RIN2: variants seen among roughly 807,000 people sequenced by gnomAD.
RIN2 encodes RAB5 interacting protein 2.
RIN2 carries 36 observed loss-of-function variants against 78.0 expected under a neutral mutation model. The ratio of observed to expected loss-of-function variants is 0.46; its 90% CI spans 0.35 to 0.61. The LOEUF is 0.61. Among genes scored for constraint, RIN2 ranks in the 20% least tolerant of loss-of-function variants. The probability of loss-of-function intolerance (pLI) is 0.00; values close to 1 mark genes in which losing one functional copy is unlikely to be tolerated. For synonymous variants in RIN2, 466 were observed against 466.8 expected, an observed-to-expected ratio of 1.00 and a Z score of 0.02; for missense variants, 1,087 against 1,159.7, an observed-to-expected ratio of 0.94 and a Z score of 0.91.
At position 19,813,274 on chromosome 20, in the gene RIN2, A is replaced by G. The variant is rs144503162; in HGVS notation, c.-37+13527A>G. ...TGGGCTAATCGGCCAATAGCAGAGGAAATCAAGAAATATGAGGTGGAAAAG... is the reference window on the plus strand; with the variant it reads ...TGGGCTAATCGGCCAATAGCAGAGGGAATCAAGAAATATGAGGTGGAAAAG... On this transcript the variant is annotated intron_variant, in intron 2 of 12. Transcript: ENST00000255006. Among the ~76,000 whole-genome samples, 377 of 152,364 alleles carry G rather than the reference A, an allele frequency of 2.5e-3. 5 individuals carry two copies. The highest frequency in any genetic ancestry group is 0.022 in the South Asian group (107 of 4,826).
intron 2 of RIN2, chr20:19,886,707 T>A: frequency 6.5e-7 from 1 of 1,549,284 alleles, no homozygotes; most frequent in Non-Finnish European, 8.7e-7. Context: ...ACTTTACCCT[T>A]CAGGGAAGCC....
chr20:19,907,404 G>A (rs1285714812), intron 3 of RIN2, among the ~76,000 whole-genome samples: 1 of 152,186 alleles, frequency 6.6e-6, no homozygotes, highest in Non-Finnish European at 1.5e-5. Flanking sequence ...AGGCAGCTGG[G>A]GGTTGCCCTG....
intron 2 of RIN2, among the ~76,000 whole-genome samples, chr20:19,862,382 G>A (rs868399605): frequency 5.3e-5 from 8 of 152,000 alleles, no homozygotes; most frequent in Non-Finnish European, 7.4e-5. Flanking sequence ...GCCTGAGCTC[G>A]AGAGTTCGAG....
At chr20:19,906,802 G>T (rs1308363621) in intron 3 of RIN2, among the ~76,000 whole-genome samples, 1 of 152,154 alleles carries the variant, frequency 6.6e-6, no homozygotes, top group African/African-American at 2.4e-5. Context: ...GACAAGACAA[G>T]CCCATGTGAA....
chr20:19,862,742 T>A (rs2037383027), intron 2 of RIN2, among the ~76,000 whole-genome samples: 1 of 152,244 alleles, frequency 6.6e-6, no homozygotes, highest in Non-Finnish European at 1.5e-5. Flanking sequence ...TAATGCTCTT[T>A]GTAGACTATG....
chr20:19,770,458 A>T (rs2034067408), intron 1 of RIN2, among the ~76,000 whole-genome samples: 1 of 152,118 alleles, frequency 6.6e-6, no homozygotes, highest in African/African-American at 2.4e-5. Flanking sequence ...CCCTTAAAGC[A>T]TTTCCCAATG....
intron 3 of RIN2, among the ~76,000 whole-genome samples, chr20:19,917,064 T>C (rs928250051): frequency 6.6e-6 from 1 of 151,910 alleles, no homozygotes; most frequent in African/African-American, 2.4e-5. Flanking sequence ...TCCATTCCAA[T>C]TGAAGTCAGC....
At chr20:19,763,973 G>A (rs1468396607) in intron 1 of RIN2, among the ~76,000 whole-genome samples, 1 of 152,110 alleles carries the variant, frequency 6.6e-6, no homozygotes, top group Non-Finnish European at 1.5e-5. Context: ...ATAGTACATG[G>A]AGTATTAATA....
intron 3 of RIN2, among the ~76,000 whole-genome samples, chr20:19,901,915 C>A (rs1245132637): frequency 6.7e-6 from 1 of 149,540 alleles, no homozygotes; most frequent in East Asian, 2.0e-4. Context: ...ACTCAGGAAG[C>A]TGAGGCAGGA....
chr20:19,869,792 T>TTTTTTTTA (rs147848026), intron 2 of RIN2, among the ~76,000 whole-genome samples: 17 of 136,426 alleles, frequency 1.2e-4, no homozygotes, highest in Middle Eastern at 3.3e-3. Flanking sequence ...GCCTGGCTAA[T>TTTTTTTTA]TTTATTTATT....
chr20:19,783,959 C>T (rs920498470), intron 1 of RIN2, among the ~76,000 whole-genome samples: 11 of 152,216 alleles, frequency 7.2e-5, no homozygotes, highest in African/African-American at 1.7e-4. Flanking sequence ...AGCAGGCTGT[C>T]GTGGAAGAGG....
chr20:19,956,480 G>C, intron 4 of RIN2, 135 bp from the exon 5 acceptor site: 1 of 719,708 alleles, frequency 1.4e-6, no homozygotes, highest in Non-Finnish European at 2.4e-6. Context: ...GTCTGGAAGA[G>C]AAGATGATTA....
rs188147644 is a variant in RIN2, at chr20:19,975,450, C to G, written c.1425C>G (p.Pro475=). ...EGESDQETMA[P]PIKSKKKRSS... is the part of the protein sequence containing the mutation. The stretch of plus-strand genomic sequence containing the variant: ...AAAGTGACCAAGAGACCATGGCGCC[C>G]CCCATCAAGTCCAAAAAGAAAAGGA... The change falls in exon 9 of 13, where the codon CCC becomes CCG. Residue 475 remains proline (P), a synonymous_variant. Coordinates refer to ENST00000255006, the MANE Select transcript of RIN2 (RefSeq NM_018993.4). This position sits in a 1 kb window ranked among gnomAD's most constrained non-coding sequence, Gnocchi z 4.9. The G allele has an allele frequency of 6.2e-7, 1 of 1,613,928 alleles. No homozygotes were observed. Among genetic ancestry groups the G allele is most frequent in the Admixed American group, 1.7e-5 (1 of 60,002 alleles).
At position 19,787,316 on chromosome 20, in the gene RIN2, G is replaced by T. The variant is rs533599798; in HGVS notation, c.-162-12306G>T. 2.0e-5 allele frequency among the ~76,000 whole-genome samples: 3 copies of T among 151,636 alleles called. No individual in the cohort carries two copies. In the South Asian group the frequency reaches 6.3e-4, roughly 32 times the overall value. On this transcript the variant is annotated intron_variant, in intron 1 of 12. Coordinates refer to ENST00000255006, the MANE Select transcript of RIN2 (RefSeq NM_018993.4). Reference sequence around the variant, plus strand: ...CGTGCAGCTGTAATCCTAGCTACTTGGGAAGCTGAGGCAGGAGAATTGCTT... The same window carrying T: ...CGTGCAGCTGTAATCCTAGCTACTTTGGAAGCTGAGGCAGGAGAATTGCTT...
chr20:19,979,870 C>A (rs2042389996), intron 9 of RIN2, among the ~76,000 whole-genome samples: 1 of 151,760 alleles, frequency 6.6e-6, no homozygotes, highest in Admixed American at 6.6e-5. Flanking sequence ...TGGTGAAACC[C>A]AGTCTCTACT....
chr20:19,774,783 C>G (rs1002833482), intron 1 of RIN2, among the ~76,000 whole-genome samples: 1 of 152,112 alleles, frequency 6.6e-6, no homozygotes. Context: ...CAAAGTTCAC[C>G]CTGACTGCTG....
chr20:19,772,274 G>T (rs1467941438), intron 1 of RIN2, among the ~76,000 whole-genome samples: 1 of 151,970 alleles, frequency 6.6e-6, no homozygotes, highest in African/African-American at 2.4e-5. Context: ...ATTTTACAAA[G>T]AACTCTTTAC....
intron 1 of RIN2, among the ~76,000 whole-genome samples, chr20:19,792,362 GCCTC>G (rs2034914975): frequency 1.3e-5 from 2 of 152,170 alleles, no homozygotes; most frequent in African/African-American, 4.8e-5. Flanking sequence ...ATTGACTGAG[GCCTC>G]ATAGTGTCAT....
intron 6 of RIN2, among the ~76,000 whole-genome samples, chr20:19,961,549 G>T (rs763339449): frequency 9.2e-5 from 14 of 152,128 alleles, no homozygotes; most frequent in Non-Finnish European, 1.8e-4. Context: ...TCAGAAGCAA[G>T]ACAGAGCCTG....
Sources: gnomAD v4.1 joint callset for allele counts (sites outside exome capture counted in the v4.1 genomes callset) on GRCh38, gnomAD v4.1.1 for gene constraint, Gnocchi (gnomAD v3.1) non-coding constraint, MANE v1.5 for transcripts, NCBI Gene and HGNC (gene_info 2026-07-23, HGNC 2026-07-21) for gene names.